Variants in TEX14 observed in about 807,000 individuals in gnomAD.
TEX14 encodes inactive serine/threonine-protein kinase TEX14.
A neutral mutation model predicts 178.6 loss-of-function variants in TEX14; 168 were observed. The observed-to-expected ratio is 0.94, with a 90% CI of 0.83 to 1.07. The LOEUF (loss-of-function observed/expected upper bound fraction) is 1.07, where lower values mean the gene tolerates loss of function less well. Among genes scored for constraint, TEX14 ranks in the 50% least tolerant of loss-of-function variants. TEX14 has a pLI of 0.00. For synonymous variants in TEX14, 626 were observed against 634.1 expected (o/e 0.99, Z 0.19); for missense variants, 1,730 against 1,753.6 (o/e 0.99, Z 0.24).
intron 2 of TEX14, among the ~76,000 whole-genome samples, chr17:58,634,327 T>G (rs896664404): frequency 3.9e-5 from 6 of 151,976 alleles, no homozygotes; most frequent in African/African-American, 1.4e-4. Flanking sequence ...GCAGGAGGTT[T>G]GCTTGAACCC....
intron 1 of TEX14, among the ~76,000 whole-genome samples, chr17:58,683,121 C>T (rs1046688407): frequency 6.6e-6 from 1 of 151,390 alleles, no homozygotes; most frequent in Admixed American, 6.6e-5. Flanking sequence ...GCCTGTAATC[C>T]CAGCAGTTTG....
At chr17:58,678,652 C>T (rs536714280) in intron 1 of TEX14, among the ~76,000 whole-genome samples, 3 of 151,908 alleles carry the variant, frequency 2.0e-5, no homozygotes, top group African/African-American at 7.2e-5. Context: ...GGGTGGGGAA[C>T]ATCATACACC....
chr17:58,612,997 T>G (rs899903838), intron 9 of TEX14, among the ~76,000 whole-genome samples: 1 of 150,554 alleles, frequency 6.6e-6, no homozygotes. Context: ...AGGTCAGGAG[T>G]TTGAGAACAG....
chr17:58,563,598 G>A (rs2044314724), intron 28 of TEX14, among the ~76,000 whole-genome samples: 2 of 129,558 alleles, frequency 1.5e-5, no homozygotes, highest in Admixed American at 1.7e-4. Flanking sequence ...TTCAGCCTGG[G>A]CAACATAAAG....
At chr17:58,626,650 G>A (rs941854284) in intron 3 of TEX14, among the ~76,000 whole-genome samples, 1 of 151,702 alleles carries the variant, frequency 6.6e-6, no homozygotes, top group Non-Finnish European at 1.5e-5. Flanking sequence ...GAGAGGCTGA[G>A]GCAGATGGAT....
chr17:58,570,185 AG>A (rs2044488856), intron 25 of TEX14, among the ~76,000 whole-genome samples, 199 bp downstream of exon 25: 1 of 151,890 alleles, frequency 6.6e-6, no homozygotes, highest in African/African-American at 2.4e-5. Flanking sequence ...AAAGTACATG[AG>A]GTTAAAAAAG....
rs2045740124 is a variant in TEX14 at position 58,611,280 on chromosome 17, A to G, written c.1065T>C (p.Ser355=). Residue 355 remains serine (S), a synonymous_variant, in exon 10 of 32, where the codon TCT becomes TCC. Transcript: ENST00000349033. ...EVIVHLLLQI[S]DALRYLHFQG... ...GGAAATGCAGGTATCTCAGGGCATC[A>G]GATATCTGGAGCAGCAGGTGCACAA... 6.2e-7 allele frequency: 1 copy of G among 1,613,406 alleles called. No individual in the cohort carries two copies. Among genetic ancestry groups the G allele is most frequent in the Non-Finnish European group, 8.5e-7 (1 of 1,179,498 alleles).
At chr17:58,601,081 T>C (rs1039344250) in intron 13 of TEX14, among the ~76,000 whole-genome samples, 1 of 151,430 alleles carries the variant, frequency 6.6e-6, no homozygotes, top group Non-Finnish European at 1.5e-5. Context: ...AGACCTCATC[T>C]CTAAAAAAAA....
At chr17:58,582,238 G>A (rs183595420) in intron 19 of TEX14, among the ~76,000 whole-genome samples, 66 of 152,170 alleles carry the variant, frequency 4.3e-4, no homozygotes, top group Admixed American at 9.2e-4. Context: ...AAATAAAATA[G>A]TAAAAAGCAG....
At chr17:58,565,986 TGA>T (rs2044389668) in intron 26 of TEX14, among the ~76,000 whole-genome samples, 162 bp from the exon 27 acceptor site, 1 of 152,226 alleles carries the variant, frequency 6.6e-6, no homozygotes, top group East Asian at 1.9e-4. Flanking sequence ...TCAGACCTGC[TGA>T]ATCAGAAACT....
rs71143256 is a variant in TEX14 at position 58,603,554 on chromosome 17, T to TAA, written c.1337-966_1337-965dup. Among the ~76,000 whole-genome samples the TAA allele has an allele frequency of 2.6e-3, 190 of 71,706 alleles. 1 individual carries two copies. The highest frequency in any genetic ancestry group is 3.4e-3 in the Non-Finnish European group (135 of 40,260). The allele number at this position is 71,706 out of a possible 152,430, so 47.0% of individuals were successfully genotyped here. A position where few individuals can be genotyped will look rare whatever the true frequency, so the allele number is the denominator to read the frequency against. On this transcript the variant is annotated intron_variant, in intron 11 of 31. Coordinates refer to ENST00000349033, the MANE Select transcript of TEX14 (RefSeq NM_031272.5). ...TGGGCAACAGAGTAAGACTCCATCT[T>TAA]AAAAAAAAAAAAAAAAAAAGCCTTG...
At chr17:58,615,049 C>G (rs1214458793) in intron 8 of TEX14, among the ~76,000 whole-genome samples, 183 bp downstream of exon 8, 1 of 152,202 alleles carries the variant, frequency 6.6e-6, no homozygotes, top group African/African-American at 2.4e-5. Flanking sequence ...TCAGGCTACT[C>G]GTTAACTTCT....
chr17:58,621,973 T>C (rs1379749654), intron 4 of TEX14, among the ~76,000 whole-genome samples, 187 bp from the exon 5 acceptor site: 1 of 152,094 alleles, frequency 6.6e-6, no homozygotes, highest in Non-Finnish European at 1.5e-5. Flanking sequence ...GGGAAACAAT[T>C]TCCTCCAACT....
At chr17:58,646,314 C>A (rs1204798203) in intron 2 of TEX14, among the ~76,000 whole-genome samples, 1 of 152,144 alleles carries the variant, frequency 6.6e-6, no homozygotes, top group African/African-American at 2.4e-5. Flanking sequence ...GTTTTTACAT[C>A]GAACCAAAAT....
chr17:58,557,821 G>A lies in TEX14; in HGVS notation c.4297C>T (p.Leu1433=). 6.2e-7 allele frequency: 1 copy of A among 1,612,206 alleles called. No individual in the cohort carries two copies. The part of the protein sequence containing the change: ...DELKSCFWKR[L]GWSESSRIIV... ...TACCTGGATGATTCGGACCAACCTA[G>A]TCGCTTCCAAAAACAGGATTTTAGT... The change falls in exon 31 of 32, where the codon CTA becomes TTA. Residue 1433 remains leucine (L), a synonymous_variant. Transcript: ENST00000349033.
At chr17:58,653,290 C>T (rs941519198) in intron 1 of TEX14, among the ~76,000 whole-genome samples, 9 of 152,120 alleles carry the variant, frequency 5.9e-5, no homozygotes, top group African/African-American at 2.2e-4. Context: ...TACCTGGCAC[C>T]AAACAAGTTC....
chr17:58,573,413 T>A, intron 22 of TEX14, 105 bp from the exon 23 acceptor site: 1 of 1,087,702 alleles, frequency 9.2e-7, no homozygotes, highest in Non-Finnish European at 1.3e-6. Flanking sequence ...AAAATTTGTA[T>A]GTGGCAATAG....
At chr17:58,669,061 G>A (rs2047260135) in intron 1 of TEX14, among the ~76,000 whole-genome samples, 1 of 152,152 alleles carries the variant, frequency 6.6e-6, no homozygotes, top group Non-Finnish European at 1.5e-5. Flanking sequence ...GTAAAAAAGG[G>A]GGAGACAATG....
intron 29 of TEX14, among the ~76,000 whole-genome samples, chr17:58,560,876 T>C (rs1322184352): frequency 2.6e-5 from 4 of 152,252 alleles, no homozygotes; most frequent in African/African-American, 9.6e-5. Context: ...CAATGCTGCA[T>C]TGACCTTTTC....
Sources: allele counts gnomAD v4.1 joint callset (sites outside exome capture counted in the v4.1 genomes callset), GRCh38; gene constraint gnomAD v4.1.1; transcripts MANE v1.5; gene names NCBI Gene and HGNC (gene_info 2026-07-23, HGNC 2026-07-21).